Variants in SIL1 observed in about 807,000 individuals in gnomAD.
SIL1 encodes nucleotide exchange factor SIL1.
SIL1 carries 40 observed loss-of-function variants against 49.1 expected under a neutral mutation model. The observed-to-expected ratio is 0.81, with a 90% CI of 0.63 to 1.06. SIL1 has a LOEUF of 1.06. SIL1 is among the 50% of genes least tolerant of loss of function. The pLI, the probability that SIL1 is intolerant of heterozygous loss-of-function variation, is 0.00. For missense variants in SIL1, 500 were observed against 572.6 expected (o/e 0.87, Z 1.29); for synonymous variants, 253 against 250.8 (o/e 1.01, Z -0.08).
At chr5:139,128,700 T>C (rs1027112012) in intron 1 of SIL1, among the ~76,000 whole-genome samples, 1 of 151,230 alleles carries the variant, frequency 6.6e-6, no homozygotes, top group African/African-American at 2.4e-5. Context: ...GGACATCCCA[T>C]GTTCATGAAT....
intron 1 of SIL1, among the ~76,000 whole-genome samples, chr5:139,148,860 C>T (rs529770557): frequency 2.0e-5 from 3 of 152,294 alleles, no homozygotes; most frequent in East Asian, 1.9e-4. Context: ...AGGGCTTGCC[C>T]TCCTGCAAAG....
intron 5 of SIL1, chr5:139,035,386 C>A: frequency 1.9e-6 from 1 of 538,706 alleles, no homozygotes; most frequent in Non-Finnish European, 3.7e-6. Context: ...CTTGGCAGTT[C>A]CTTGAGGGCT....
intron 7 of SIL1, among the ~76,000 whole-genome samples, chr5:139,020,260 A>T (rs1768490907): frequency 6.6e-6 from 1 of 152,242 alleles, no homozygotes; most frequent in Non-Finnish European, 1.5e-5. Context: ...ACTTACTAAG[A>T]AAATATGCTG....
chr5:139,133,999 A>G (rs1750921814), intron 1 of SIL1, among the ~76,000 whole-genome samples: 1 of 152,250 alleles, frequency 6.6e-6, no homozygotes. Flanking sequence ...TTCACCTATA[A>G]AATAGGTACA....
chr5:139,095,501 A>T (rs997860990), intron 3 of SIL1, among the ~76,000 whole-genome samples: 3 of 152,288 alleles, frequency 2.0e-5, no homozygotes, highest in Admixed American at 6.5e-5. Flanking sequence ...GCCTCAAGTG[A>T]TCCACTTGCC....
chr5:139,089,676 T>C (rs1168511666), intron 3 of SIL1, among the ~76,000 whole-genome samples: 1 of 152,282 alleles, frequency 6.6e-6, no homozygotes, highest in Admixed American at 6.5e-5. Context: ...TCAAAAATTA[T>C]TATGCTCAGT....
At chr5:139,066,863 C>A (rs1442525626) in intron 3 of SIL1, among the ~76,000 whole-genome samples, 1 of 152,124 alleles carries the variant, frequency 6.6e-6, no homozygotes, top group African/African-American at 2.4e-5. Context: ...GCACACCACA[C>A]CCAGATAATT....
chr5:138,960,744 G>C (rs373946387), intron 7 of SIL1, among the ~76,000 whole-genome samples: 2 of 152,092 alleles, frequency 1.3e-5, no homozygotes, highest in African/African-American at 4.8e-5. Context: ...CGTGAGCCAC[G>C]GCACTCGGCC....
chr5:139,026,828 G>A lies in SIL1; in HGVS notation c.618C>T (p.Leu206=), dbSNP rs899502101. 6 of 1,614,004 alleles carry A rather than the reference G, an allele frequency of 3.7e-6. No individual in the cohort carries two copies. The African/African-American group carries it at 8.0e-5, about 22-fold the overall frequency. The change falls in exon 6 of 10, where the codon CTC becomes CTT. Residue 206 remains leucine, a synonymous_variant. Transcript: ENST00000394817. The stretch of plus-strand genomic sequence containing the variant: ...GATGGACATAATATTCAAGATCAAA[G>A]AGCGCAGCAATCTTCTCTTCCAAAC... The part of the protein sequence containing the change: ...SSSLEEKIAA[L]FDLEYYVHQM...
At chr5:139,009,224 CTTT>C (rs1191299641) in intron 7 of SIL1, among the ~76,000 whole-genome samples, 1 of 128,330 alleles carries the variant, frequency 7.8e-6, no homozygotes, top group Non-Finnish European at 1.6e-5. Context: ...TAATGGCCTT[CTTT>C]GTCTCTTTTG....
chr5:139,111,625 G>C (rs1770840294), intron 3 of SIL1, among the ~76,000 whole-genome samples: 2 of 152,286 alleles, frequency 1.3e-5, no homozygotes, highest in Admixed American at 6.5e-5. Context: ...ATACTTCCAG[G>C]AGTTCAACAA....
At chr5:139,170,220 C>T (rs981028955) in intron 1 of SIL1, among the ~76,000 whole-genome samples, 23 of 152,268 alleles carry the variant, frequency 1.5e-4, no homozygotes, top group African/African-American at 5.5e-4. Flanking sequence ...CTCGCTACAA[C>T]CTCCACCTCC....
chr5:139,106,273 G>A (rs1770710103), intron 3 of SIL1, among the ~76,000 whole-genome samples: 1 of 152,224 alleles, frequency 6.6e-6, no homozygotes, highest in Non-Finnish European at 1.5e-5. Flanking sequence ...TCTTGAGCCA[G>A]CCACTTCTCC....
At chr5:139,180,451 A>G (rs929703334) in intron 1 of SIL1, among the ~76,000 whole-genome samples, 9 of 151,230 alleles carry the variant, frequency 6.0e-5, no homozygotes, top group Non-Finnish European at 1.2e-4. Context: ...TCCTACCCCA[A>G]TGCTGCCTTT....
intron 7 of SIL1, among the ~76,000 whole-genome samples, chr5:138,954,605 A>G (rs1345114306): frequency 6.6e-6 from 1 of 152,264 alleles, no homozygotes; most frequent in Non-Finnish European, 1.5e-5. Context: ...CCATCCAGGC[A>G]GGGCCAGTAG....
rs760833461 is a variant in SIL1 at position 138,951,924 on chromosome 5, G to A, written c.768-40C>T. 5 of 1,555,518 alleles carry A rather than the reference G, an allele frequency of 3.2e-6. No individual in the cohort carries two copies. The South Asian group carries it at 5.6e-5, about 17-fold the overall frequency. ...CAGGACAGCATGACTACCCTGCCCA[G>A]CCCAGGGATCGGATGGTCAGGGAAC... On this transcript the variant is annotated intron_variant, in intron 7 of 9. Coordinates refer to ENST00000394817, the MANE Select transcript of SIL1 (RefSeq NM_022464.5).
At position 138,947,042 on chromosome 5, in the gene SIL1, T is replaced by C. The variant is rs779844062; in HGVS notation, c.*75A>G. ...AGCCAGCACTGCCAAGATGTCCTCC[T>C]GCCTGAGAAGCCCACCCACGCTGGC... is the stretch of plus-strand genomic sequence containing the variant. On this transcript the variant is annotated 3_prime_UTR_variant, in exon 10 of 10. Transcript: ENST00000394817. This position sits in a 1 kb window ranked among gnomAD's most constrained non-coding sequence, Gnocchi z 4.1. 13 of 1,145,772 alleles carry C rather than the reference T, an allele frequency of 1.1e-5. No homozygotes were observed. Among genetic ancestry groups the C allele is most frequent in the Non-Finnish European group, 1.6e-5 (12 of 773,216 alleles). The allele number at this position is 1,145,772 out of a possible 1,614,324, so 71.0% of individuals were successfully genotyped here. A position where few individuals can be genotyped will look rare whatever the true frequency, so the allele number is the denominator to read the frequency against.
intron 3 of SIL1, among the ~76,000 whole-genome samples, chr5:139,086,351 TTTTTA>T (rs1396304359): frequency 1.3e-5 from 2 of 151,884 alleles, no homozygotes; most frequent in East Asian, 1.9e-4. Context: ...CATTTTTTTA[TTTTTA>T]TTTTATTTTA....
At chr5:139,066,738 C>A (rs1251738727) in intron 3 of SIL1, among the ~76,000 whole-genome samples, 2 of 152,100 alleles carry the variant, frequency 1.3e-5, no homozygotes, top group Non-Finnish European at 2.9e-5. Flanking sequence ...CAGGGTCTCA[C>A]TCTGTTGCCC....
Sources: allele counts gnomAD v4.1 joint callset (sites outside exome capture counted in the v4.1 genomes callset), GRCh38; gene constraint gnomAD v4.1.1; non-coding constraint Gnocchi (gnomAD v3.1); transcripts MANE v1.5; gene names NCBI Gene and HGNC (gene_info 2026-07-23, HGNC 2026-07-21).